The following PHF12 variants were observed in gnomAD, a reference collection of about 807,000 sequenced individuals.
The protein encoded by PHF12 is PHD factor 1.
Under a neutral mutation model 99.8 loss-of-function variants are expected in PHF12, and 6 were observed. The observed-to-expected ratio is 0.06, with a 90% CI of 0.03 to 0.12. PHF12 has a LOEUF of 0.12. Among genes scored for constraint, PHF12 ranks in the 10% least tolerant of loss-of-function variants. PHF12 has a pLI of 1.00. For synonymous variants in PHF12, 480 were observed against 514.9 expected (o/e 0.93, Z 0.92); for missense variants, 954 against 1,300.1 (o/e 0.73, Z 4.09).
At chr17:28,917,499 C>T in intron 6 of PHF12, 50 bp from the exon 7 acceptor site, 2 of 1,546,452 alleles carry the variant, frequency 1.3e-6, no homozygotes, top group South Asian at 1.3e-5. Context: ...AAGGCACCTC[C>T]TATCCCAGTT....
In PHF12 at chr17:28,951,015, G is replaced by T; in HGVS notation, c.-55C>A. ...GCTCCGGCCCCCCCAACCCCGGGGG[G>T]AGGGGGGAGGTGAGGGGAGGGGGCG... On this transcript the variant is annotated 5_prime_UTR_variant, in exon 1 of 15. Transcript: ENST00000332830. The T allele has an allele frequency of 6.2e-7, 1 of 1,609,884 alleles. No individual in the cohort carries two copies. Among genetic ancestry groups the T allele is most frequent in the Non-Finnish European group, 8.5e-7 (1 of 1,177,746 alleles).
In PHF12 at chr17:28,950,611, C is replaced by T; in HGVS notation, c.66+284G>A. 5.7e-6 allele frequency: 3 copies of T among 528,582 alleles called. No individual in the cohort carries two copies. The highest frequency in any genetic ancestry group is 9.9e-6 in the Non-Finnish European group (3 of 302,448). 32.7% of individuals were successfully genotyped at this position (528,582 alleles called of 1,614,324 possible). ...ACGTGCTGGGGGAAGCACAAAGGGGCCAACAAGAAGGGGGTGGGGAGGCCT... is the reference window on the plus strand; with the variant it reads ...ACGTGCTGGGGGAAGCACAAAGGGGTCAACAAGAAGGGGGTGGGGAGGCCT... On this transcript the variant is annotated intron_variant, in intron 1 of 14. Coordinates refer to ENST00000332830, the MANE Select transcript of PHF12 (RefSeq NM_001033561.2). This position sits in a 1 kb window ranked among gnomAD's most constrained non-coding sequence, Gnocchi z 5.7.
In PHF12 at chr17:28,951,331, G is replaced by GC; in HGVS notation, c.-372_-371insG. Reference sequence around the variant, plus strand: ...CATCCCGGGGCTGGGGGTATCGGAGGGGGGGTGAGAGGTTACGTGAGGTTG... The same window carrying GC: ...CATCCCGGGGCTGGGGGTATCGGAGGCGGGGGTGAGAGGTTACGTGAGGTTG... On this transcript the variant is annotated 5_prime_UTR_variant, in exon 1 of 15. Coordinates refer to ENST00000332830, the MANE Select transcript of PHF12 (RefSeq NM_001033561.2). 1.9e-6 allele frequency: 2 copies of GC among 1,056,384 alleles called. No homozygotes were observed. The highest frequency in any genetic ancestry group is 2.3e-6 in the Non-Finnish European group (2 of 872,258). The allele number at this position is 1,056,384 out of a possible 1,614,324, so 65.4% of individuals were successfully genotyped here. A position where few individuals can be genotyped will look rare whatever the true frequency, so the allele number is the denominator to read the frequency against.
intron 7 of PHF12, among the ~76,000 whole-genome samples, chr17:28,915,674 G>C (rs1016140446): frequency 1.1e-4 from 17 of 152,168 alleles, no homozygotes; most frequent in African/African-American, 4.1e-4. Flanking sequence ...CTAAGTGGAA[G>C]AGAAATTCGC....
rs149472520 is a variant in PHF12, at chr17:28,921,696, C to A, written c.828G>T (p.Thr276=). The change falls in exon 5 of 15, where the codon ACG becomes ACT. Residue 276 remains threonine, a synonymous_variant. Transcript: ENST00000332830. ...LVPLPVKVCF[T]CNRSCRVAPL... is the part of the protein sequence containing the mutation. ...AGTATGAAAGAAAATACCTGTTACA[C>A]GTGAAGCAGACTTTGACGGGTAAGG... is the stretch of plus-strand genomic sequence containing the variant. 2.3e-4 allele frequency: 366 copies of A among 1,613,960 alleles called. 2 individuals carry two copies. In the African/African-American group the frequency reaches 3.9e-3, roughly 17 times the overall value.
At chr17:28,907,513 G>T (rs1217641857) in intron 13 of PHF12, 77 bp downstream of exon 13, 5 of 1,430,704 alleles carry the variant, frequency 3.5e-6, no homozygotes, top group Admixed American at 1.7e-5. Context: ...TCCCCTCAGG[G>T]CACTGAACAA....
At chr17:28,932,661 C>T (rs1001424244) in intron 2 of PHF12, among the ~76,000 whole-genome samples, 2 of 152,138 alleles carry the variant, frequency 1.3e-5, no homozygotes, top group Admixed American at 6.5e-5. Flanking sequence ...AAACTCCTTC[C>T]GCAGCTGGGT....
intron 2 of PHF12, among the ~76,000 whole-genome samples, chr17:28,937,868 C>T (rs1023466260): frequency 3.9e-5 from 6 of 152,166 alleles, no homozygotes; most frequent in African/African-American, 1.4e-4. Flanking sequence ...AAAGGGCCTT[C>T]ATTAATTCAC....
At chr17:28,927,538 A>G (rs1417753829) in intron 2 of PHF12, among the ~76,000 whole-genome samples, 1 of 152,190 alleles carries the variant, frequency 6.6e-6, no homozygotes, top group Non-Finnish European at 1.5e-5. Flanking sequence ...TCATCCTTTC[A>G]TACCTGCCTC....
chr17:28,937,657 G>A (rs1463788721), intron 2 of PHF12, among the ~76,000 whole-genome samples: 2 of 152,124 alleles, frequency 1.3e-5, no homozygotes, highest in East Asian at 1.9e-4. Context: ...ACCTGGATAC[G>A]AGTGTTACTA....
chr17:28,949,975 C>G lies in PHF12; in HGVS notation c.248+90G>C. ...AAAGTCAGCTAGCGGCTGCAAGCGC[C>G]CGTTATTTCGGCAGTCAGGGGCAGG... On this transcript the variant is annotated intron_variant, in intron 2 of 14. Coordinates refer to ENST00000332830, the MANE Select transcript of PHF12 (RefSeq NM_001033561.2). This position sits in a 1 kb window ranked among gnomAD's most constrained non-coding sequence, Gnocchi z 4.6. 1 of 1,397,662 alleles carries G rather than the reference C, an allele frequency of 7.2e-7. No homozygotes were observed. The highest frequency in any genetic ancestry group is 9.6e-7 in the Non-Finnish European group (1 of 1,046,288). 86.6% of individuals were successfully genotyped at this position (1,397,662 alleles called of 1,614,324 possible). A position where few individuals can be genotyped will look rare whatever the true frequency, so the allele number is the denominator to read the frequency against.
chr17:28,946,950 C>T (rs907351588), intron 2 of PHF12, among the ~76,000 whole-genome samples: 19 of 152,172 alleles, frequency 1.2e-4, no homozygotes, highest in African/African-American at 4.3e-4. Flanking sequence ...TATAACCTTA[C>T]TCTCACATGA....
At chr17:28,934,450 A>C (rs1033906509) in intron 2 of PHF12, among the ~76,000 whole-genome samples, 4 of 152,208 alleles carry the variant, frequency 2.6e-5, no homozygotes, top group Non-Finnish European at 4.4e-5. Flanking sequence ...TTCAGGAGGA[A>C]GCCATAGTTT....
At chr17:28,947,901 A>AT (rs1555609180) in intron 2 of PHF12, among the ~76,000 whole-genome samples, 4 of 151,760 alleles carry the variant, frequency 2.6e-5, no homozygotes, top group African/African-American at 4.9e-5. Context: ...AAAAAAAAAA[A>AT]TTTCAATGAA....
intron 2 of PHF12, among the ~76,000 whole-genome samples, chr17:28,941,752 C>T (rs972533770): frequency 2.0e-5 from 3 of 152,142 alleles, no homozygotes; most frequent in Admixed American, 6.5e-5. Context: ...TCCCAAGTAG[C>T]GTGCATCACC....
rs200267695 is a variant in PHF12 at position 28,919,227 on chromosome 17, C to T, written c.885G>A (p.Leu295=). ...PLIQCDYCPL[L]FHMDCLEPPL... is the part of the protein sequence containing the mutation. ...GCGGCTCGAGGCAATCCATGTGAAA[C>T]AGGAGAGGGCAATAGTCACACTGGA... Residue 295 remains leucine (L), a synonymous_variant, in exon 6 of 15, where the codon CTG becomes CTA. Coordinates refer to ENST00000332830, the MANE Select transcript of PHF12 (RefSeq NM_001033561.2). The T allele has an allele frequency of 2.9e-5, 47 of 1,614,072 alleles. No homozygotes were observed. The highest frequency in any genetic ancestry group is 3.7e-5 in the Non-Finnish European group (44 of 1,180,036).
chr17:28,942,628 C>T (rs2040639595), intron 2 of PHF12, among the ~76,000 whole-genome samples: 1 of 151,844 alleles, frequency 6.6e-6, no homozygotes, highest in Admixed American at 6.6e-5. Context: ...CCAGCCTGAC[C>T]AACATGGTGA....
rs550961061 is a variant in PHF12, at chr17:28,950,404, G to C, written c.67-158C>G. ...CAGAATCTCTCAGCCCCCGGAACCAGGGGGAGCCCACCCTAACCGCGTTCC... is the reference window on the plus strand; with the variant it reads ...CAGAATCTCTCAGCCCCCGGAACCACGGGGAGCCCACCCTAACCGCGTTCC... On this transcript the variant is annotated intron_variant, in intron 1 of 14. Transcript: ENST00000332830. This position sits in a 1 kb window ranked among gnomAD's most constrained non-coding sequence, Gnocchi z 5.7. 6.3e-6 allele frequency: 5 copies of C among 793,910 alleles called. No individual in the cohort carries two copies. The Admixed American group carries it at 1.5e-4, about 23-fold the overall frequency. The allele number at this position is 793,910 out of a possible 1,614,324, so 49.2% of individuals were successfully genotyped here. A position where few individuals can be genotyped will look rare whatever the true frequency, so the allele number is the denominator to read the frequency against.
intron 4 of PHF12, among the ~76,000 whole-genome samples, 198 bp from the exon 5 acceptor site, chr17:28,922,006 C>A (rs958906275): frequency 6.6e-6 from 1 of 152,100 alleles, no homozygotes; most frequent in African/African-American, 2.4e-5. Flanking sequence ...GAGACTAATA[C>A]GTAAGTCAGA....
Sources: gnomAD v4.1 joint callset for allele counts (sites outside exome capture counted in the v4.1 genomes callset) on GRCh38, gnomAD v4.1.1 for gene constraint, Gnocchi (gnomAD v3.1) non-coding constraint, MANE v1.5 for transcripts, NCBI Gene and HGNC (gene_info 2026-07-23, HGNC 2026-07-21) for gene names.